The following ANO10 variants were observed in gnomAD, a reference collection of about 807,000 sequenced individuals.
ANO10 encodes the protein anoctamin 10, also known as anoctamin-10.
Under a neutral mutation model 74.7 loss-of-function variants are expected in ANO10, and 77 were observed. The ratio of observed to expected loss-of-function variants is 1.03; its 90% CI spans 0.86 to 1.25. ANO10 has a LOEUF of 1.25. Ranked by LOEUF, ANO10 falls within the 50% of genes most tolerant of loss-of-function variation. The pLI is 0.00. For missense variants in ANO10, 721 were observed against 778.1 expected (o/e 0.93, Z 0.87); for synonymous variants, 279 against 284.9 (o/e 0.98, Z 0.21).
intron 11 of ANO10, among the ~76,000 whole-genome samples, chr3:43,547,558 G>GT (rs1254441088): frequency 6.6e-6 from 1 of 152,100 alleles, no homozygotes; most frequent in African/African-American, 2.4e-5. Context: ...TAAAACAGCT[G>GT]TTTTTATACA....
At chr3:43,537,788 A>G (rs1044035885) in intron 11 of ANO10, among the ~76,000 whole-genome samples, 3 of 152,188 alleles carry the variant, frequency 2.0e-5, no homozygotes, top group Non-Finnish European at 4.4e-5. Context: ...GGGACTGGGA[A>G]CACATTTTAT....
rs916281499 is a variant in ANO10 at position 43,685,442 on chromosome 3, C to A, written c.-12+6075G>T. ...ATGGAGGTACTAGACTTTATTTAATCATAAGCATTCTTATTAATGTCTTTC... is the reference window on the plus strand; with the variant it reads ...ATGGAGGTACTAGACTTTATTTAATAATAAGCATTCTTATTAATGTCTTTC... On this transcript the variant is annotated intron_variant, in intron 1 of 3. Transcript: ENST00000413397. Among the ~76,000 whole-genome samples the A allele has an allele frequency of 1.3e-4, 20 of 152,170 alleles. 1 individual carries two copies. Among genetic ancestry groups the A allele is most frequent in the Non-Finnish European group, 5.9e-5 (4 of 68,036 alleles).
chr3:43,549,582 A>T, intron 11 of ANO10, 138 bp downstream of exon 11: 1 of 928,598 alleles, frequency 1.1e-6, no homozygotes, highest in Non-Finnish European at 1.7e-6. Context: ...GTTTTCTATT[A>T]CTTGAACTGT....
At chr3:43,656,653 C>A (rs566199243) in intron 1 of ANO10, among the ~76,000 whole-genome samples, 1 of 152,220 alleles carries the variant, frequency 6.6e-6, no homozygotes, top group Non-Finnish European at 1.5e-5. Context: ...GTACACCCTC[C>A]GCAGCCGCTG....
At chr3:43,450,923 T>C (rs1431445274) in intron 11 of ANO10, among the ~76,000 whole-genome samples, 1 of 152,248 alleles carries the variant, frequency 6.6e-6, no homozygotes, top group Non-Finnish European at 1.5e-5. Context: ...ATTAGGTATC[T>C]GCCAAGTCCA....
chr3:43,637,141 G>A (rs1026469390), intron 1 of ANO10, among the ~76,000 whole-genome samples: 2 of 152,154 alleles, frequency 1.3e-5, no homozygotes, highest in East Asian at 3.9e-4. Context: ...CTGCACTCCA[G>A]CCTGGGTGAC....
intron 11 of ANO10, among the ~76,000 whole-genome samples, chr3:43,460,702 C>T (rs995321299): frequency 2.6e-5 from 4 of 152,160 alleles, no homozygotes; most frequent in African/African-American, 9.7e-5. Flanking sequence ...GACAGACACA[C>T]AGCTATGCAC....
intron 1 of ANO10, among the ~76,000 whole-genome samples, chr3:43,682,751 C>T (rs1417208855): frequency 2.6e-5 from 4 of 152,198 alleles, no homozygotes; most frequent in Non-Finnish European, 5.9e-5. Flanking sequence ...TGGGCTTCAT[C>T]CCTGGGATGG....
chr3:43,663,787 A>T (rs2083954503), intron 1 of ANO10, among the ~76,000 whole-genome samples: 1 of 152,198 alleles, frequency 6.6e-6, no homozygotes, highest in Non-Finnish European at 1.5e-5. Context: ...CACAATTGCT[A>T]CTAAGAGAAT....
chr3:43,565,295 T>A (rs2080256938), intron 8 of ANO10, among the ~76,000 whole-genome samples: 1 of 152,192 alleles, frequency 6.6e-6, no homozygotes, highest in South Asian at 2.1e-4. Context: ...ACTTAAAAAT[T>A]AAATTTGCGA....
At chr3:43,595,365 C>T (rs895164101) in intron 4 of ANO10, among the ~76,000 whole-genome samples, 2 of 152,110 alleles carry the variant, frequency 1.3e-5, no homozygotes, top group Non-Finnish European at 2.9e-5. Context: ...AAATCCTCAA[C>T]AAAATAATGG....
chr3:43,509,104 A>C (rs1377660214), intron 11 of ANO10, among the ~76,000 whole-genome samples: 1 of 151,820 alleles, frequency 6.6e-6, no homozygotes. Flanking sequence ...CATTCTGAGC[A>C]AACTATTGCA....
intron 11 of ANO10, among the ~76,000 whole-genome samples, chr3:43,484,676 G>T (rs2076396452): frequency 6.6e-6 from 1 of 152,176 alleles, no homozygotes; most frequent in African/African-American, 2.4e-5. Flanking sequence ...GTGCTAGTCA[G>T]TTGTGCCTAA....
rs116294273 is a variant in ANO10 at position 43,408,208 on chromosome 3, A to G, written c.1914+24403T>C. 5.2e-3 allele frequency among the ~76,000 whole-genome samples: 799 copies of G among 152,360 alleles called. 8 individuals are homozygous for G. The highest frequency in any genetic ancestry group is 0.018 in the African/African-American group (740 of 41,576). ...AGGTATCTGAATTCTTAACCCTGACAAAGAAAATCTAAAACTACAGCTTGT... is the reference window on the plus strand; with the variant it reads ...AGGTATCTGAATTCTTAACCCTGACGAAGAAAATCTAAAACTACAGCTTGT... On this transcript the variant is annotated intron_variant, in intron 12 of 12. Coordinates refer to ENST00000292246, the MANE Select transcript of ANO10 (RefSeq NM_018075.5).
At chr3:43,533,675 G>A (rs555982355) in intron 11 of ANO10, among the ~76,000 whole-genome samples, 1 of 152,252 alleles carries the variant, frequency 6.6e-6, no homozygotes, top group East Asian at 1.9e-4. Flanking sequence ...GCTAAATGAT[G>A]GTGAAACTGA....
intron 11 of ANO10, among the ~76,000 whole-genome samples, chr3:43,480,664 A>C (rs2076232032): frequency 6.6e-6 from 1 of 152,166 alleles, no homozygotes; most frequent in Non-Finnish European, 1.5e-5. Context: ...GTGAATTCCC[A>C]AGAAGTTGGG....
At chr3:43,443,679 CTTTTTT>C (rs59685910) in intron 11 of ANO10, among the ~76,000 whole-genome samples, 60 of 122,020 alleles carry the variant, frequency 4.9e-4, no homozygotes, top group African/African-American at 1.8e-3. Flanking sequence ...TTCCTTCCTT[CTTTTTT>C]TTTTTTTTTT....
Position 43,684,718 on chromosome 3 carries a change from T to C in ANO10, c.-12+6799A>G, listed in dbSNP as rs1043726197. On this transcript the variant is annotated intron_variant, in intron 1 of 3. Coordinates refer to the ANO10 transcript ENST00000413397. ...AATGATAGACTGGATTAAGAAAATGTGGCACATATACACCATGGAATACTA... is the reference window on the plus strand; with the variant it reads ...AATGATAGACTGGATTAAGAAAATGCGGCACATATACACCATGGAATACTA... 2.0e-5 allele frequency among the ~76,000 whole-genome samples: 3 copies of C among 152,312 alleles called. 1 individual carries two copies. The highest frequency in any genetic ancestry group is 4.1e-4 in the South Asian group (2 of 4,828).
intron 1 of ANO10, among the ~76,000 whole-genome samples, chr3:43,685,993 A>G (rs1477022006): frequency 6.6e-6 from 1 of 152,168 alleles, no homozygotes; most frequent in Non-Finnish European, 1.5e-5. Context: ...CCACTGAAGA[A>G]GGTCTTTTAT....
Sources: gnomAD v4.1 joint callset for allele counts (sites outside exome capture counted in the v4.1 genomes callset) on GRCh38, gnomAD v4.1.1 for gene constraint, MANE v1.5 for transcripts, NCBI Gene and HGNC (gene_info 2026-07-23, HGNC 2026-07-21) for gene names.